SETD4: variants seen among roughly 807,000 people sequenced by gnomAD.
SETD4 encodes the protein SET domain-containing protein 4.
SETD4 carries 46 observed loss-of-function variants against 58.3 expected under a neutral mutation model. The ratio of observed to expected loss-of-function variants is 0.79; its 90% CI spans 0.62 to 1.01. The LOEUF is 1.01. Ranked by LOEUF, SETD4 falls within the 50% of genes least tolerant of loss-of-function variation. The pLI is 0.00. For missense variants in SETD4, 490 were observed against 523.3 expected (o/e 0.94, Z 0.62); for synonymous variants, 190 against 202.6 (o/e 0.94, Z 0.53).
At position 36,054,371 on chromosome 21, in the gene SETD4, G is replaced by A. The variant is rs958611781; in HGVS notation, c.170-751C>T. On this transcript the variant is annotated intron_variant, in intron 3 of 11. Coordinates refer to ENST00000332131, the MANE Select transcript of SETD4 (RefSeq NM_017438.5). ...CAGACAAACATTGAAAGGATGCTCA[G>A]ATGACAGCTTTTCTGGCAGGCATAG... is the stretch of plus-strand genomic sequence containing the variant. Among the ~76,000 whole-genome samples, 5 of 152,374 alleles carry A rather than the reference G, an allele frequency of 3.3e-5. No homozygotes were observed. The South Asian group carries it at 1.0e-3, about 32-fold the overall frequency.
chr21:36,050,477 T>A lies in SETD4; in HGVS notation c.208-2081A>T, dbSNP rs1187238194. ...CAACCCCTTGGGTGCAAAGTGATAGTGACATCACTGTTTTGCGCCATCTAG... is the reference window on the plus strand; with the variant it reads ...CAACCCCTTGGGTGCAAAGTGATAGAGACATCACTGTTTTGCGCCATCTAG... On this transcript the variant is annotated intron_variant, in intron 4 of 11. Transcript: ENST00000332131. The A allele has an allele frequency of 4.3e-6, 7 of 1,613,156 alleles. No individual in the cohort carries two copies. In the East Asian group the frequency reaches 1.3e-4, roughly 31 times the overall value.
intron 4 of SETD4, among the ~76,000 whole-genome samples, chr21:36,051,992 T>C (rs1425039831): frequency 6.6e-6 from 1 of 151,494 alleles, no homozygotes; most frequent in Non-Finnish European, 1.5e-5. Flanking sequence ...GGCTTCTTAA[T>C]GACAAAAAAA....
chr21:36,046,574 G>A (rs2064340885), intron 5 of SETD4, among the ~76,000 whole-genome samples: 1 of 152,186 alleles, frequency 6.6e-6, no homozygotes, highest in Non-Finnish European at 1.5e-5. Flanking sequence ...ACTGGACAAT[G>A]CATAAAAAAC....
intron 1 of SETD4, chr21:36,059,665 G>T (rs2065188461): frequency 2.2e-6 from 2 of 892,142 alleles, no homozygotes; most frequent in Non-Finnish European, 2.7e-6. Flanking sequence ...TCCAACCTGG[G>T]CGACAGAGCG....
intron 8 of SETD4, among the ~76,000 whole-genome samples, chr21:36,041,445 G>A (rs759981936): frequency 6.6e-6 from 1 of 152,174 alleles, no homozygotes; most frequent in Non-Finnish European, 1.5e-5. Context: ...CCAAGAGCCT[G>A]CACCATGTTG....
rs572725747 is a variant in SETD4, at chr21:36,060,006, C to T, written c.-37+341G>A. ...CGGTGACCGCCACAGACACAGGCAC[C>T]GTCCCCGCCCCCATAGTCCTCAAAC... On this transcript the variant is annotated intron_variant, in intron 1 of 11. Coordinates refer to ENST00000332131, the MANE Select transcript of SETD4 (RefSeq NM_017438.5). The T allele has an allele frequency of 1.7e-4, 170 of 985,700 alleles. No homozygotes were observed. In the African/African-American group the frequency reaches 2.6e-3, roughly 15 times the overall value. 61.1% of individuals were successfully genotyped at this position (985,700 alleles called of 1,614,324 possible). A position where few individuals can be genotyped will look rare whatever the true frequency, so the allele number is the denominator to read the frequency against.
intron 10 of SETD4, among the ~76,000 whole-genome samples, chr21:36,036,900 T>C (rs1383712418): frequency 6.6e-6 from 1 of 152,212 alleles, no homozygotes; most frequent in Non-Finnish European, 1.5e-5. Context: ...CTGGAGGACA[T>C]GCTGTCACAC....
At chr21:36,036,028 A>C in intron 11 of SETD4, 57 bp downstream of exon 11, 2 of 1,517,458 alleles carry the variant, frequency 1.3e-6, no homozygotes, top group Non-Finnish European at 1.8e-6. Context: ...CATCGACTCT[A>C]AACTATATAA....
At chr21:36,044,084 G>A (rs137954932) in intron 6 of SETD4, 128 bp from the exon 7 acceptor site, 5 of 1,149,810 alleles carry the variant, frequency 4.3e-6, no homozygotes, top group Admixed American at 5.1e-5. Context: ...ATGTAACTAC[G>A]CATAGGGAAA....
chr21:36,046,513 A>ATAAG (rs1473834833), intron 5 of SETD4, among the ~76,000 whole-genome samples: 1 of 152,256 alleles, frequency 6.6e-6, no homozygotes, highest in African/African-American at 2.4e-5. Context: ...CCTTGGTAAG[A>ATAAG]TAAGCTATGT....
At chr21:36,050,458 C>T in intron 4 of SETD4, 2 of 1,614,128 alleles carry the variant, frequency 1.2e-6, no homozygotes, top group South Asian at 1.1e-5. Context: ...GTACCAACCC[C>T]TTGGGTGCAA....
In SETD4 at chr21:36,036,034, T is replaced by C. The variant is rs957501286; in HGVS notation, c.*32+51A>G. 22 of 1,538,604 alleles carry C rather than the reference T, an allele frequency of 1.4e-5. No individual in the cohort carries two copies. The East Asian group carries it at 4.5e-4, about 31-fold the overall frequency. Reference sequence around the variant, plus strand: ...GACACAACTCATCGACTCTAAACTATATAAATTTAGTCCATCAAACCTTAG... The same window carrying C: ...GACACAACTCATCGACTCTAAACTACATAAATTTAGTCCATCAAACCTTAG... On this transcript the variant is annotated intron_variant, in intron 11 of 11. Transcript: ENST00000332131.
chr21:36,048,336 G>T lies in SETD4; in HGVS notation c.268C>A (p.Arg90=). ...GTAATGTATGCCCCTAAGTAGCTTC[G>T]AATCACTGTGTCCGTGGTGAGCAGG... is the stretch of plus-strand genomic sequence containing the variant. ...SCLLTTDTVI[R]SYLGAYITKW... The change falls in exon 5 of 12, where the codon CGA becomes AGA. Residue 90 remains arginine (R), a synonymous_variant. Transcript: ENST00000332131. The T allele has an allele frequency of 1.9e-6, 3 of 1,614,002 alleles. No individual in the cohort carries two copies. The South Asian group carries it at 3.3e-5, about 18-fold the overall frequency.
intron 6 of SETD4, among the ~76,000 whole-genome samples, chr21:36,044,259 T>C (rs543556087): frequency 5.0e-4 from 76 of 152,344 alleles, no homozygotes; most frequent in Admixed American, 4.4e-3. Context: ...AAGGAGGACA[T>C]GGTGGTGCCA....
chr21:36,039,318 G>A (rs559225887), intron 9 of SETD4, among the ~76,000 whole-genome samples: 14 of 152,236 alleles, frequency 9.2e-5, no homozygotes, highest in African/African-American at 2.6e-4. Flanking sequence ...GAACTGAAAC[G>A]CCCCAGCCAG....
At chr21:36,051,334 T>C in intron 4 of SETD4, 1 of 1,573,920 alleles carries the variant, frequency 6.4e-7, no homozygotes. Flanking sequence ...CTGTTCAACA[T>C]GAACCAGCTG....
chr21:36,042,184 C>T (rs898497422), intron 7 of SETD4: 5 of 188,836 alleles, frequency 2.6e-5, no homozygotes, highest in African/African-American at 1.2e-4. Flanking sequence ...ATCAGCATGA[C>T]TGTTGAAAAT....
chr21:36,051,276 G>A, intron 4 of SETD4: 1 of 1,593,156 alleles, frequency 6.3e-7, no homozygotes, highest in East Asian at 2.2e-5. Flanking sequence ...TGTTGACAGT[G>A]ACCCTGAAAG....
intron 2 of SETD4, among the ~76,000 whole-genome samples, chr21:36,058,531 T>C (rs939275107): frequency 6.6e-6 from 1 of 150,534 alleles, no homozygotes; most frequent in African/African-American, 2.4e-5. Flanking sequence ...AGAAAGATTC[T>C]CTTTGAACAC....
Sources: gnomAD v4.1 joint callset for allele counts (sites outside exome capture counted in the v4.1 genomes callset) on GRCh38, gnomAD v4.1.1 for gene constraint, MANE v1.5 for transcripts, NCBI Gene and HGNC (gene_info 2026-07-23, HGNC 2026-07-21) for gene names.